Variants in APBA1 observed in about 807,000 individuals in gnomAD.
APBA1 encodes amyloid beta precursor protein binding family A member 1.
APBA1 carries 55 observed loss-of-function variants against 86.6 expected under a neutral mutation model. The observed-to-expected ratio is 0.64, with a 90% CI of 0.51 to 0.80. The LOEUF (loss-of-function observed/expected upper bound fraction) is 0.80, where lower values mean the gene tolerates loss of function less well. APBA1 is among the 30% of genes least tolerant of loss of function. The probability of loss-of-function intolerance (pLI) is 0.00; values close to 1 mark genes in which losing one functional copy is unlikely to be tolerated. For missense variants in APBA1, 1,090 were observed against 1,183.0 expected (o/e 0.92, Z 1.15); for synonymous variants, 511 against 493.9 (o/e 1.03, Z -0.46).
At chr9:69,616,567 C>T (rs540756649) in intron 1 of APBA1, among the ~76,000 whole-genome samples, 154 of 152,288 alleles carry the variant, frequency 1.0e-3, no homozygotes, top group Non-Finnish European at 1.7e-3. Context: ...GATACTGACC[C>T]AGCACTTTGA....
intron 1 of APBA1, among the ~76,000 whole-genome samples, chr9:69,520,582 G>A (rs1414038947): frequency 6.6e-6 from 1 of 152,122 alleles, no homozygotes; most frequent in African/African-American, 2.4e-5. Context: ...AAGATGTGGG[G>A]GTTTTCTCTC....
intron 11 of APBA1, among the ~76,000 whole-genome samples, chr9:69,440,446 C>A (rs533588194): frequency 1.5e-5 from 2 of 136,902 alleles, no homozygotes; most frequent in South Asian, 2.1e-4. Context: ...TCGAGCTTCC[C>A]CGCTGCTTTG....
intron 1 of APBA1, among the ~76,000 whole-genome samples, chr9:69,653,023 A>C (rs867535447): frequency 1.4e-4 from 21 of 151,682 alleles, no homozygotes; most frequent in Middle Eastern, 3.2e-3. Flanking sequence ...GCAAAAAAAA[A>C]ACAAAAAAAC....
intron 1 of APBA1, among the ~76,000 whole-genome samples, chr9:69,627,936 C>T (rs1424097671): frequency 1.3e-5 from 2 of 152,108 alleles, no homozygotes; most frequent in Non-Finnish European, 2.9e-5. Context: ...GACCCAGTGA[C>T]CCTCCCTCCT....
rs1241006703 is a variant in APBA1 at position 69,449,655 on chromosome 9, C to T, written c.2110G>A (p.Asp704Asn). 5.0e-6 allele frequency: 8 copies of T among 1,613,944 alleles called. No individual in the cohort carries two copies. Among genetic ancestry groups the T allele is most frequent in the African/African-American group, 1.3e-5 (1 of 74,878 alleles). ...AEKSGKLNIG[D>N]QIMSINGTSL... ...GTGCCATTAATGGACATGATCTGGT[C>T]ACCGATATTCAGCTTCCCAGATTTC... Residue 704 changes from aspartate (D) to asparagine (N), a missense_variant, in exon 10 of 13, where the codon GAC becomes AAC. Around this residue, in one of 6 missense-constraint regions of APBA1, gnomAD observed 97 missense variants for 166.8 expected, o/e 0.58. Transcript: ENST00000265381.
chr9:69,471,914 A>C (rs998637645), intron 3 of APBA1, among the ~76,000 whole-genome samples: 2 of 152,242 alleles, frequency 1.3e-5, no homozygotes, highest in African/African-American at 4.8e-5. Context: ...GATAATCTAG[A>C]AATCTTACAT....
intron 1 of APBA1, among the ~76,000 whole-genome samples, chr9:69,522,117 T>C (rs902999327): frequency 2.0e-5 from 3 of 151,684 alleles, no homozygotes; most frequent in Non-Finnish European, 4.4e-5. Context: ...TATATGTGTG[T>C]GTGTATATAT....
At chr9:69,512,093 TAAAAAG>T (rs1381281690) in intron 2 of APBA1, among the ~76,000 whole-genome samples, 1 of 148,812 alleles carries the variant, frequency 6.7e-6, no homozygotes, top group Non-Finnish European at 1.5e-5. Context: ...AATAAATAAA[TAAAAAG>T]AAAAAAAGAA....
intron 1 of APBA1, among the ~76,000 whole-genome samples, chr9:69,583,011 T>G (rs918583985): frequency 6.6e-5 from 10 of 152,222 alleles, no homozygotes; most frequent in Admixed American, 2.0e-4. Context: ...TGTATCTGAA[T>G]GTGTGTTCTG....
chr9:69,457,508 A>G (rs570282386), intron 6 of APBA1, among the ~76,000 whole-genome samples: 1 of 152,326 alleles, frequency 6.6e-6, no homozygotes, highest in East Asian at 1.9e-4. Context: ...ACCTTGGGGA[A>G]GTCACTTAGA....
intron 5 of APBA1, among the ~76,000 whole-genome samples, chr9:69,459,908 T>C (rs1835162293): frequency 6.6e-6 from 1 of 152,274 alleles, no homozygotes; most frequent in South Asian, 2.1e-4. Flanking sequence ...ACCTAGGTCA[T>C]GATGCAATTT....
At chr9:69,513,995 T>C (rs994570915) in intron 2 of APBA1, among the ~76,000 whole-genome samples, 1 of 152,162 alleles carries the variant, frequency 6.6e-6, no homozygotes. Flanking sequence ...TTCAAGAGTA[T>C]GGAAAGGGAG....
chr9:69,452,845 A>T (rs1368720234), intron 8 of APBA1, among the ~76,000 whole-genome samples: 3 of 152,268 alleles, frequency 2.0e-5, no homozygotes. Context: ...AATCAACATC[A>T]GCGCTGCTGT....
At chr9:69,515,199 G>A (rs1488839016) in intron 2 of APBA1, among the ~76,000 whole-genome samples, 2 of 152,182 alleles carry the variant, frequency 1.3e-5, no homozygotes, top group African/African-American at 4.8e-5. Flanking sequence ...TGCTCCTCTT[G>A]TTTTCCTATG....
rs555026230 is a variant in APBA1, at chr9:69,552,895, C to T, written c.-69-35616G>A. Among the ~76,000 whole-genome samples the T allele has an allele frequency of 1.0e-4, 14 of 135,824 alleles. No homozygotes were observed. In the South Asian group the frequency reaches 3.4e-3, roughly 33 times the overall value. 89.1% of individuals were successfully genotyped at this position (135,824 alleles called of 152,430 possible). A position where few individuals can be genotyped will look rare whatever the true frequency, so the allele number is the denominator to read the frequency against. ...GCTCATCTCTGCAAATGAAATGGTG[C>T]CCTTTCTTGGGCTTTTTTTTTTTTT... On this transcript the variant is annotated intron_variant, in intron 1 of 12. Transcript: ENST00000265381.
chr9:69,531,300 T>C (rs1415715680), intron 1 of APBA1, among the ~76,000 whole-genome samples: 3 of 152,184 alleles, frequency 2.0e-5, no homozygotes, highest in Admixed American at 1.3e-4. Context: ...CTGTGTCAGC[T>C]CTTCCAAAAG....
chr9:69,435,517 GT>G (rs1834693310), intron 11 of APBA1, among the ~76,000 whole-genome samples: 1 of 152,080 alleles, frequency 6.6e-6, no homozygotes, highest in East Asian at 1.9e-4. Context: ...TCTCATTGTG[GT>G]TTTGATTTGC....
chr9:69,618,916 C>G (rs1434973012), intron 1 of APBA1, among the ~76,000 whole-genome samples: 4 of 152,228 alleles, frequency 2.6e-5, no homozygotes, highest in Non-Finnish European at 5.9e-5. Flanking sequence ...CTCAACTTTT[C>G]CAAACCTCTT....
intron 1 of APBA1, among the ~76,000 whole-genome samples, chr9:69,519,336 T>G (rs1480898771): frequency 6.6e-6 from 1 of 152,236 alleles, no homozygotes; most frequent in Non-Finnish European, 1.5e-5. Flanking sequence ...TACTGGTCCA[T>G]GGCCCAGTGG....
Sources: gnomAD v4.1 joint callset for allele counts (sites outside exome capture counted in the v4.1 genomes callset) on GRCh38, gnomAD v4.1.1 for gene constraint, gnomAD v4.1.1 regional missense constraint, MANE v1.5 for transcripts, NCBI Gene and HGNC (gene_info 2026-07-23, HGNC 2026-07-21) for gene names.